The following GRID2 variants were observed in gnomAD, a reference collection of about 807,000 sequenced individuals.
GRID2 encodes the protein glutamate receptor ionotropic, delta-2.
In GRID2, 33 loss-of-function variants were observed where a neutral mutation model predicts 114.8. The ratio of observed to expected loss-of-function variants is 0.29; its 90% CI spans 0.22 to 0.38. The LOEUF (loss-of-function observed/expected upper bound fraction) is 0.38, where lower values mean the gene tolerates loss of function less well. Among genes scored for constraint, GRID2 ranks in the 10% least tolerant of loss-of-function variants. The pLI, the probability that GRID2 is intolerant of heterozygous loss-of-function variation, is 1.00. For missense variants in GRID2, 1,184 were observed against 1,257.7 expected (o/e 0.94, Z 0.89); for synonymous variants, 505 against 449.9 (o/e 1.12, Z -1.55).
intron 2 of GRID2, chr4:92,822,700 A>T (rs1021563114): frequency 2.4e-5 from 4 of 163,878 alleles, no homozygotes; most frequent in African/African-American, 7.2e-5. Flanking sequence ...GAGAGGAAAA[A>T]GTGGCCACCT....
At position 92,683,864 on chromosome 4, in the gene GRID2, CAT is replaced by C. The variant is rs1035485122; in HGVS notation, c.244+93582_244+93583del. Among the ~76,000 whole-genome samples the C allele has an allele frequency of 9.2e-5, 14 of 151,656 alleles. 1 individual carries two copies. The highest frequency in any genetic ancestry group is 2.6e-4 in the Admixed American group (4 of 15,230). ...ATACATATAGAAGCAATAGTTAAAACATATAGAACAAATGTTGATATGATTAT... is the reference window on the plus strand; with the variant it reads ...ATACATATAGAAGCAATAGTTAAAACATAGAACAAATGTTGATATGATTAT... On this transcript the variant is annotated intron_variant, in intron 2 of 15. Transcript: ENST00000282020.
At chr4:92,311,869 G>C (rs1412996871) in intron 1 of GRID2, among the ~76,000 whole-genome samples, 2 of 151,936 alleles carry the variant, frequency 1.3e-5, no homozygotes, top group African/African-American at 2.4e-5. Context: ...GAACCAACAA[G>C]CTATGTTTTT....
intron 2 of GRID2, among the ~76,000 whole-genome samples, chr4:92,797,725 C>A (rs1338445422): frequency 1.3e-5 from 2 of 151,774 alleles, no homozygotes; most frequent in African/African-American, 4.8e-5. Context: ...GGTTCATCTG[C>A]AAATTTTTTT....
intron 1 of GRID2, among the ~76,000 whole-genome samples, chr4:93,794,554 C>A (rs183910325): frequency 3.3e-5 from 5 of 152,146 alleles, no homozygotes; most frequent in African/African-American, 1.2e-4. Context: ...TTATTTATGC[C>A]CGAGGATGGG....
intron 4 of GRID2, among the ~76,000 whole-genome samples, chr4:93,165,307 G>A (rs894324083): frequency 6.6e-6 from 1 of 152,030 alleles, no homozygotes; most frequent in African/African-American, 2.4e-5. Context: ...ATACTGCAAA[G>A]AGAAGAAAAG....
chr4:92,923,486 C>A (rs186891149), intron 2 of GRID2, among the ~76,000 whole-genome samples: 1,768 of 151,920 alleles, frequency 0.012, 24 homozygotes, highest in Non-Finnish European at 0.014. Context: ...AGTACTAATA[C>A]CATATTTAAT....
intron 10 of GRID2, among the ~76,000 whole-genome samples, chr4:93,432,520 AGAATTTGACCTTGAG>A (rs1333207295): frequency 1.3e-5 from 2 of 152,212 alleles, no homozygotes; most frequent in Non-Finnish European, 2.9e-5. Flanking sequence ...CGAAAGTTCT[AGAATTTGACCTTGAG>A]GTTCATGGCA....
intron 2 of GRID2, among the ~76,000 whole-genome samples, chr4:93,011,366 A>G (rs1722119809): frequency 6.6e-6 from 1 of 151,974 alleles, no homozygotes. Flanking sequence ...CACAGGCCTG[A>G]TTCATTATAT....
intron 11 of GRID2, among the ~76,000 whole-genome samples, chr4:93,485,866 G>A (rs1438098859): frequency 6.6e-6 from 1 of 151,486 alleles, no homozygotes; most frequent in Non-Finnish European, 1.5e-5. Context: ...TCAGCTTCAA[G>A]CACATTTACT....
At chr4:92,339,024 A>AGG (rs1161245663) in intron 1 of GRID2, among the ~76,000 whole-genome samples, 2 of 152,060 alleles carry the variant, frequency 1.3e-5, no homozygotes, top group African/African-American at 4.8e-5. Context: ...GAAATACTCT[A>AGG]ATTACTTCCC....
At chr4:92,399,807 A>G (rs2110278446) in intron 1 of GRID2, among the ~76,000 whole-genome samples, 1 of 152,218 alleles carries the variant, frequency 6.6e-6, no homozygotes, top group African/African-American at 2.4e-5. Flanking sequence ...ATATATCTCA[A>G]CTATTCAATT....
intron 14 of GRID2, 80 bp from the exon 15 acceptor site, chr4:93,769,130 T>G: frequency 7.3e-7 from 1 of 1,376,272 alleles, no homozygotes; most frequent in Non-Finnish European, 1.0e-6. Context: ...CCTACAGAGG[T>G]GGGATTATAA....
At chr4:93,568,329 G>C (rs1346743572) in intron 13 of GRID2, among the ~76,000 whole-genome samples, 1 of 152,202 alleles carries the variant, frequency 6.6e-6, no homozygotes, top group Admixed American at 6.5e-5. Context: ...GGAGTTCCAT[G>C]GTTCTCAAAG....
chr4:93,296,132 G>T (rs147189741), intron 8 of GRID2, among the ~76,000 whole-genome samples: 3 of 152,228 alleles, frequency 2.0e-5, no homozygotes, highest in Non-Finnish European at 4.4e-5. Flanking sequence ...TCCGTCCAGG[G>T]CCTCTAACCT....
At chr4:92,378,491 T>C (rs1200258935) in intron 1 of GRID2, among the ~76,000 whole-genome samples, 1 of 152,148 alleles carries the variant, frequency 6.6e-6, no homozygotes, top group African/African-American at 2.4e-5. Flanking sequence ...AATTTTCACA[T>C]TATGTTGAAA....
rs1728482858 is a variant in GRID2 at position 92,359,101 on chromosome 4, G to A, written c.88+54357G>A. ...AGGAAAGCTGATATCCTGTTTGGTT[G>A]GCCTTAACTAACTACCAAATTTTTA... is the stretch of plus-strand genomic sequence containing the variant. On this transcript the variant is annotated intron_variant, in intron 1 of 15. Transcript: ENST00000282020. Among the ~76,000 whole-genome samples, 3 of 151,850 alleles carry A rather than the reference G, an allele frequency of 2.0e-5. No homozygotes were observed. In the South Asian group the frequency reaches 6.2e-4, roughly 31 times the overall value.
intron 8 of GRID2, among the ~76,000 whole-genome samples, chr4:93,280,782 T>A (rs1254439782): frequency 6.6e-6 from 1 of 151,964 alleles, no homozygotes; most frequent in Non-Finnish European, 1.5e-5. Flanking sequence ...ATATGAGTAA[T>A]TATTCAAATA....
intron 8 of GRID2, among the ~76,000 whole-genome samples, chr4:93,258,332 G>A (rs1749854500): frequency 1.3e-5 from 2 of 151,522 alleles, no homozygotes; most frequent in Admixed American, 6.6e-5. Flanking sequence ...TTAAGTTTGG[G>A]TGAAATAGAA....
At chr4:92,442,821 G>A (rs906616796) in intron 1 of GRID2, among the ~76,000 whole-genome samples, 3 of 152,140 alleles carry the variant, frequency 2.0e-5, no homozygotes, top group African/African-American at 4.8e-5. Context: ...AGAAAAAGGA[G>A]CATTAACCTT....
Sources: gnomAD v4.1 joint callset for allele counts (sites outside exome capture counted in the v4.1 genomes callset) on GRCh38, gnomAD v4.1.1 for gene constraint, MANE v1.5 for transcripts, NCBI Gene and HGNC (gene_info 2026-07-23, HGNC 2026-07-21) for gene names.